Variants in CFAP74 observed in about 807,000 individuals in gnomAD.
CFAP74 encodes the protein cilia and flagella associated protein 74.
CFAP74 carries 124 observed loss-of-function variants against 188.9 expected under a neutral mutation model. The ratio of observed to expected loss-of-function variants is 0.66; its 90% confidence interval spans 0.57 to 0.76. The LOEUF is 0.76. Ranked by LOEUF, CFAP74 falls within the 30% of genes least tolerant of loss-of-function variation. CFAP74 has a pLI of 0.00. For synonymous variants in CFAP74, 956 were observed against 916.7 expected (o/e 1.04, Z -0.77); for missense variants, 2,198 against 2,165.2 (o/e 1.02, Z -0.30).
intron 16 of CFAP74, among the ~76,000 whole-genome samples, chr1:1,958,751 G>C (rs899020297): frequency 6.6e-6 from 1 of 152,184 alleles, no homozygotes; most frequent in African/African-American, 2.4e-5. Context: ...TTGTTCTGCT[G>C]TTCTGTTTTC....
At chr1:1,967,002 A>G (rs1168586425) in intron 11 of CFAP74, among the ~76,000 whole-genome samples, 3 of 152,028 alleles carry the variant, frequency 2.0e-5, no homozygotes, top group South Asian at 2.1e-4. Flanking sequence ...ACACCCAGCT[A>G]ATTTTTTGTA....
At chr1:1,982,417 C>A (rs571613201) in intron 6 of CFAP74, among the ~76,000 whole-genome samples, 15 of 152,342 alleles carry the variant, frequency 9.8e-5, no homozygotes, top group Admixed American at 8.5e-4. Context: ...GGACACCCCG[C>A]CAGGGACAGA....
rs1235999621 is a variant in CFAP74, at chr1:1,940,334, G to C, written c.2685C>G (p.Thr895=). Reference sequence around the variant, plus strand: ...CACAGACCTGGTCGGCAACCCATATGGTCATCGGGGCCTCCAGGACTCGGG... The same window carrying C: ...CACAGACCTGGTCGGCAACCCATATCGTCATCGGGGCCTCCAGGACTCGGG... ...KETRVLEAPM[T]IWVADQNKPV... The change falls in exon 23 of 39, where the codon ACC becomes ACG. Residue 895 remains threonine, a synonymous_variant. Coordinates refer to ENST00000682832, the MANE Select transcript of CFAP74 (RefSeq NM_001304360.2). 6.5e-6 allele frequency: 10 copies of C among 1,535,684 alleles called. No individual in the cohort carries two copies. Among genetic ancestry groups the C allele is most frequent in the Non-Finnish European group, 7.8e-6 (9 of 1,146,696 alleles).
Position 1,963,865 on chromosome 1 carries a change from G to A in CFAP74, c.1578C>T (p.Asp526=). Residue 526 remains aspartate (D), a splice_region_variant and synonymous_variant, in exon 14 of 39, where the codon GAC becomes GAT. Coordinates refer to ENST00000682832, the MANE Select transcript of CFAP74 (RefSeq NM_001304360.2). ...NSKPELLHFQ[D]FDIGKVYKKK... ...TCTTGTACACTTTGCCAATATCAAA[G>A]TCCTGGGAAAGGCCGAGGTAGCAGC... The A allele has an allele frequency of 6.2e-7, 1 of 1,607,956 alleles. No homozygotes were observed. Among genetic ancestry groups the A allele is most frequent in the African/African-American group, 1.3e-5 (1 of 74,918 alleles).
rs1653281295 is a variant in CFAP74 at position 1,940,343 on chromosome 1, G to A, written c.2676C>T (p.Ala892=). Residue 892 remains alanine, a synonymous_variant, in exon 23 of 39, where the codon GCC becomes GCT. Coordinates refer to ENST00000682832, the MANE Select transcript of CFAP74 (RefSeq NM_001304360.2). The part of the protein sequence containing the change: ...YFDKETRVLE[A]PMTIWVADQN... The stretch of plus-strand genomic sequence containing the variant: ...GGTCGGCAACCCATATGGTCATCGG[G>A]GCCTCCAGGACTCGGGTCTCCTTGT... 7.8e-6 allele frequency: 12 copies of A among 1,535,714 alleles called. No individual in the cohort carries two copies. The highest frequency in any genetic ancestry group is 9.6e-6 in the Non-Finnish European group (11 of 1,146,762).
At chr1:1,993,922 C>T (rs1197535933) in intron 1 of CFAP74, among the ~76,000 whole-genome samples, 5 of 150,758 alleles carry the variant, frequency 3.3e-5, no homozygotes, top group Non-Finnish European at 4.4e-5. Flanking sequence ...GCGGAGCTTG[C>T]AGTGAGCCGA....
rs749476026 is a variant in CFAP74 at position 1,925,969 on chromosome 1, C to T, written c.3949-31G>A. 2.7e-5 allele frequency: 42 copies of T among 1,558,488 alleles called. 1 individual carries two copies. The highest frequency in any genetic ancestry group is 1.5e-4 in the Admixed American group (8 of 51,834). On this transcript the variant is annotated intron_variant, in intron 32 of 38. Coordinates refer to ENST00000682832, the MANE Select transcript of CFAP74 (RefSeq NM_001304360.2). ...GAGACCACATCGCTCAGCCAGGAAC[C>T]GATGTCTGCTGGAGCCACGAGGGGA...
chr1:1,934,228 G>T lies in CFAP74; in HGVS notation c.3012-3892C>A, dbSNP rs1265849669. On this transcript the variant is annotated intron_variant, in intron 25 of 38. Coordinates refer to ENST00000682832, the MANE Select transcript of CFAP74 (RefSeq NM_001304360.2). ...AGTGTGTGTATGTGTGAGTGTTAGG[G>T]TATAGGTACACACGTGTGTACGTGT... 3.3e-5 allele frequency among the ~76,000 whole-genome samples: 5 copies of T among 151,898 alleles called. No homozygotes were observed. In the East Asian group the frequency reaches 9.6e-4, roughly 29 times the overall value.
chr1:1,944,525 C>G, intron 20 of CFAP74, 73 bp from the exon 21 acceptor site: 1 of 1,484,392 alleles, frequency 6.7e-7, no homozygotes, highest in South Asian at 1.2e-5. Flanking sequence ...AGCACTGACA[C>G]AGCTCCCAGG....
chr1:1,930,582 G>A (rs1186550627), intron 25 of CFAP74, among the ~76,000 whole-genome samples: 1 of 152,214 alleles, frequency 6.6e-6, no homozygotes, highest in Non-Finnish European at 1.5e-5. Flanking sequence ...TAGAGATGGA[G>A]TCTCGCTCTG....
intron 2 of CFAP74, 41 bp from the exon 3 acceptor site, chr1:1,989,014 A>C: frequency 9.6e-7 from 1 of 1,044,864 alleles, no homozygotes; most frequent in East Asian, 2.4e-5. Context: ...AAAAAAGCAG[A>C]TCAAACATTT....
At chr1:1,971,576 G>T (rs1656079859) in intron 9 of CFAP74, among the ~76,000 whole-genome samples, 1 of 152,372 alleles carries the variant, frequency 6.6e-6, no homozygotes, top group South Asian at 2.1e-4. Flanking sequence ...CACGTCACCT[G>T]CCCGCCTCTG....
intron 16 of CFAP74, among the ~76,000 whole-genome samples, chr1:1,958,374 C>T (rs1254979339): frequency 7.9e-5 from 12 of 152,364 alleles, no homozygotes; most frequent in Admixed American, 1.3e-4. Flanking sequence ...GAGATAATGA[C>T]GTCCCCACTG....
chr1:1,993,976 C>T (rs1424843104), intron 1 of CFAP74, among the ~76,000 whole-genome samples: 9 of 149,398 alleles, frequency 6.0e-5, no homozygotes, highest in South Asian at 4.3e-4. Flanking sequence ...AGCAAGACTC[C>T]GTCTCAAAAA....
At chr1:1,941,524 T>C (rs963266439) in intron 22 of CFAP74, among the ~76,000 whole-genome samples, 28 of 152,252 alleles carry the variant, frequency 1.8e-4, no homozygotes, top group African/African-American at 6.5e-4. Flanking sequence ...AGGGACACCC[T>C]CAAGACACAG....
At chr1:1,979,937 C>T (rs1166922177) in intron 6 of CFAP74, among the ~76,000 whole-genome samples, 1 of 150,690 alleles carries the variant, frequency 6.6e-6, no homozygotes, top group East Asian at 1.9e-4. Context: ...GCGCAGAACA[C>T]GCGTGTGATC....
At chr1:1,931,177 C>T (rs1270466725) in intron 25 of CFAP74, among the ~76,000 whole-genome samples, 1 of 152,146 alleles carries the variant, frequency 6.6e-6, no homozygotes, top group Non-Finnish European at 1.5e-5. Flanking sequence ...CACCTGTAAT[C>T]CCAGCACTTT....
chr1:1,925,874 C>CACTG lies in CFAP74; in HGVS notation c.4012_4013insCAGT (p.Gly1338AlafsTer12). 6.2e-7 allele frequency: 1 copy of CACTG among 1,612,714 alleles called. No homozygotes were observed. The highest frequency in any genetic ancestry group is 1.7e-5 in the Admixed American group (1 of 60,014). On this transcript the variant is annotated frameshift_variant, in exon 33 of 39. Coordinates refer to ENST00000682832, the MANE Select transcript of CFAP74 (RefSeq NM_001304360.2). LOFTEE classifies it high-confidence loss of function. ...GGAGCACGTGATCATGGACGCCACG[C>CACTG]CAGTGCCCATGAGGGTGAGGGTGAG...
chr1:1,971,013 TG>T (rs1655952856), intron 9 of CFAP74, among the ~76,000 whole-genome samples, 197 bp from the exon 10 acceptor site: 1 of 119,366 alleles, frequency 8.4e-6, no homozygotes, highest in Non-Finnish European at 1.7e-5. Context: ...CACCTGCACA[TG>T]CACACATCAC....
Sources: gnomAD v4.1 joint callset for allele counts (sites outside exome capture counted in the v4.1 genomes callset) on GRCh38, gnomAD v4.1.1 for gene constraint, MANE v1.5 for transcripts, NCBI Gene and HGNC (gene_info 2026-07-23, HGNC 2026-07-21) for gene names.